The following RBFOX2 variants were observed in gnomAD, a reference collection of about 807,000 sequenced individuals.
RBFOX2 encodes the protein RNA binding fox-1 homolog 2, also known as RNA binding protein fox-1 homolog 2.
In RBFOX2, 10 loss-of-function variants were observed where a neutral mutation model predicts 49.1. That is an observed-to-expected ratio of 0.20 (90% CI 0.13 to 0.35). The LOEUF is 0.35. Among genes scored for constraint, RBFOX2 ranks in the 10% least tolerant of loss-of-function variants. The pLI is 1.00. For missense variants in RBFOX2, 323 were observed against 486.9 expected, an observed-to-expected ratio of 0.66 and a Z score of 3.17; for synonymous variants, 183 against 187.4, an observed-to-expected ratio of 0.98 and a Z score of 0.19.
At chr22:35,751,421 G>C (rs1401711581) in intron 9 of RBFOX2, among the ~76,000 whole-genome samples, 3 of 152,138 alleles carry the variant, frequency 2.0e-5, no homozygotes, top group African/African-American at 7.2e-5. Flanking sequence ...TGGCGGCAGG[G>C]GGTGGGTAAG....
intron 1 of RBFOX2, among the ~76,000 whole-genome samples, chr22:35,882,841 A>T (rs2046088575): frequency 1.3e-5 from 2 of 152,220 alleles, no homozygotes; most frequent in African/African-American, 4.8e-5. Context: ...CAAAAGAAGC[A>T]ATTTAACAAC....
chr22:36,004,164 T>G (rs1431902660), intron 1 of RBFOX2, among the ~76,000 whole-genome samples: 1 of 152,148 alleles, frequency 6.6e-6, no homozygotes, highest in Non-Finnish European at 1.5e-5. Context: ...CCAACCTCCA[T>G]GACTTTCTCC....
chr22:35,845,697 G>C (rs955501018), intron 1 of RBFOX2, among the ~76,000 whole-genome samples: 1 of 152,170 alleles, frequency 6.6e-6, no homozygotes, highest in Non-Finnish European at 1.5e-5. Flanking sequence ...AGGGATTAAG[G>C]AAAAGGTTCT....
At chr22:35,914,642 T>G (rs1309237123) in intron 1 of RBFOX2, among the ~76,000 whole-genome samples, 1 of 152,182 alleles carries the variant, frequency 6.6e-6, no homozygotes, top group Non-Finnish European at 1.5e-5. Flanking sequence ...ACCTAAGAGT[T>G]AAACATTCAG....
At chr22:35,824,089 C>T (rs1022323470) in intron 1 of RBFOX2, among the ~76,000 whole-genome samples, 1 of 151,814 alleles carries the variant, frequency 6.6e-6, no homozygotes, top group African/African-American at 2.4e-5. Context: ...ACGGAGGTCA[C>T]AGTGAGCCGA....
intron 1 of RBFOX2, among the ~76,000 whole-genome samples, chr22:35,976,887 C>T (rs1405412353): frequency 6.6e-6 from 1 of 151,628 alleles, no homozygotes. Context: ...TCTCTTGAAC[C>T]CAGGAGGCGG....
intron 1 of RBFOX2, among the ~76,000 whole-genome samples, chr22:35,957,928 A>C (rs1038932706): frequency 6.6e-6 from 1 of 152,212 alleles, no homozygotes; most frequent in Non-Finnish European, 1.5e-5. Flanking sequence ...GTGTTTCACT[A>C]AACTGAAGAC....
At position 35,829,034 on chromosome 22, in the gene RBFOX2, G is replaced by C. The variant is rs975737145; in HGVS notation, c.27+11158C>G. On this transcript the variant is annotated intron_variant, in intron 1 of 11. Coordinates refer to ENST00000405409, the Ensembl canonical transcript of RBFOX2. ...CCACTGCACTCCAGCCTGGGCGACA[G>C]AGCGAGACTCCATCTCAAAAAACAA... is the stretch of plus-strand genomic sequence containing the variant. Among the ~76,000 whole-genome samples the C allele has an allele frequency of 5.9e-5, 9 of 152,172 alleles. No homozygotes were observed. The South Asian group carries it at 8.3e-4, about 14-fold the overall frequency.
intron 1 of RBFOX2, among the ~76,000 whole-genome samples, chr22:35,926,351 T>C (rs1007621305): frequency 1.3e-5 from 2 of 152,250 alleles, no homozygotes; most frequent in African/African-American, 4.8e-5. Flanking sequence ...TGAAAATTGC[T>C]AATGGAAATT....
At chr22:35,842,995 T>A (rs2040702511), upstream of RBFOX2, among the ~76,000 whole-genome samples, 1 of 152,128 alleles carries the variant, frequency 6.6e-6, no homozygotes, top group East Asian at 1.9e-4. Context: ...TTAAAAAAAA[T>A]GTTACAATGA....
intron 1 of RBFOX2, among the ~76,000 whole-genome samples, chr22:35,978,211 T>G (rs1448133052): frequency 1.3e-5 from 2 of 152,180 alleles, no homozygotes; most frequent in African/African-American, 4.8e-5. Context: ...TTGGCTGCAT[T>G]TAATGGAGTT....
intron 1 of RBFOX2, among the ~76,000 whole-genome samples, chr22:35,929,882 T>C (rs1469148157): frequency 6.6e-6 from 1 of 152,050 alleles, no homozygotes; most frequent in Non-Finnish European, 1.5e-5. Flanking sequence ...TGCAAAAGAA[T>C]TTGAAAGAAT....
chr22:35,792,478 A>G (rs1217576696), intron 2 of RBFOX2, among the ~76,000 whole-genome samples: 1 of 152,184 alleles, frequency 6.6e-6, no homozygotes, highest in Non-Finnish European at 1.5e-5. Context: ...ATCAGATTTC[A>G]AATCTAAATG....
intron 1 of RBFOX2, among the ~76,000 whole-genome samples, chr22:35,900,872 G>A (rs2048482386): frequency 6.6e-6 from 1 of 152,178 alleles, no homozygotes; most frequent in Admixed American, 6.5e-5. Context: ...CTAGACAGAG[G>A]CACTGGCCAC....
At chr22:35,752,173 C>T (rs551022838) in intron 9 of RBFOX2, among the ~76,000 whole-genome samples, 9 of 152,322 alleles carry the variant, frequency 5.9e-5, no homozygotes, top group Admixed American at 5.2e-4. Flanking sequence ...TATCTCACTA[C>T]AGGGCCCAAT....
chr22:35,742,736 C>A (rs538229290), exon 12 of RBFOX2: 2 of 152,590 alleles, frequency 1.3e-5, no homozygotes, highest in African/African-American at 2.4e-5. Flanking sequence ...AAAATTACAG[C>A]CAGATGGCAA....
chr22:35,752,544 T>C (rs1935339786), intron 9 of RBFOX2: 1 of 841,902 alleles, frequency 1.2e-6, no homozygotes, highest in South Asian at 5.4e-5. Flanking sequence ...CTGGAATGGT[T>C]AGTATAATTC....
At chr22:36,028,746 T>C (rs1375383506) in exon 1 of RBFOX2, among the ~76,000 whole-genome samples, 1 of 151,230 alleles carries the variant, frequency 6.6e-6, no homozygotes, top group Admixed American at 6.6e-5. Flanking sequence ...CCTCTCGCAC[T>C]CCCGGAGCTC....
intron 1 of RBFOX2, among the ~76,000 whole-genome samples, chr22:35,903,357 A>ATT (rs200828920): frequency 6.6e-6 from 1 of 151,924 alleles, no homozygotes; most frequent in East Asian, 1.9e-4. Context: ...CTACAATGCC[A>ATT]TTTTTTTTGT....
Sources: allele counts gnomAD v4.1 joint callset (sites outside exome capture counted in the v4.1 genomes callset), GRCh38; gene constraint gnomAD v4.1.1; transcripts MANE v1.5; gene names NCBI Gene and HGNC (gene_info 2026-07-23, HGNC 2026-07-21).